Variants in ARHGEF17 observed in about 807,000 individuals in gnomAD.
ARHGEF17 encodes 164 kDa Rho-specific guanine-nucleotide exchange factor.
Under a neutral mutation model 174.0 loss-of-function variants are expected in ARHGEF17, and 80 were observed. The observed-to-expected ratio is 0.46, with a 90% confidence interval of 0.38 to 0.55. The LOEUF (loss-of-function observed/expected upper bound fraction) is 0.55, where lower values mean the gene tolerates loss of function less well. Among genes scored for constraint, ARHGEF17 ranks in the 20% least tolerant of loss-of-function variants. The pLI, the probability that ARHGEF17 is intolerant of heterozygous loss-of-function variation, is 0.00. For missense variants in ARHGEF17, 2,886 were observed against 2,839.7 expected (o/e 1.02, Z -0.37); for synonymous variants, 1,311 against 1,189.1 (o/e 1.10, Z -2.11).
In ARHGEF17 at chr11:73,308,768, T is replaced by C; in HGVS notation, c.130T>C (p.Cys44Arg). The change falls in exon 1 of 21, where the codon TGC (cysteine) becomes CGC (arginine). Residue 44 changes from cysteine to arginine, a missense_variant. Physicochemically the swap from Cys to Arg is radical, Grantham distance 180 (BLOSUM62 -3). This residue lies in a region of ARHGEF17 where 1,728 missense variants were observed against 1,461.2 expected (regional missense o/e 1.18). Coordinates refer to ENST00000263674, the MANE Select transcript of ARHGEF17 (RefSeq NM_014786.4). ...DTPGLRRRASCRPTTAARGQP... is the reference protein window; with the variant it reads ...DTPGLRRRASRRPTTAARGQP... The stretch of plus-strand genomic sequence containing the variant: ...CCCCGGCTTGAGGCGACGCGCCTCG[T>C]GCCGGCCGACCACGGCTGCCCGGGG... The C allele has an allele frequency of 6.9e-7, 1 of 1,450,298 alleles. No homozygotes were observed. The highest frequency in any genetic ancestry group is 9.0e-7 in the Non-Finnish European group (1 of 1,109,456). The allele number at this position is 1,450,298 out of a possible 1,614,324, so 89.8% of individuals were successfully genotyped here.
chr11:73,314,782 T>C (rs1864902039), intron 1 of ARHGEF17, among the ~76,000 whole-genome samples: 1 of 152,070 alleles, frequency 6.6e-6, no homozygotes, highest in Non-Finnish European at 1.5e-5. Context: ...AGGCCCACTG[T>C]AGCCTGGTTG....
At chr11:73,312,856 G>A (rs1246041815) in intron 1 of ARHGEF17, among the ~76,000 whole-genome samples, 2 of 152,052 alleles carry the variant, frequency 1.3e-5, no homozygotes, top group Non-Finnish European at 2.9e-5. Context: ...CTCTCCCTGA[G>A]ACCCCTCCTT....
At chr11:73,344,802 A>G (rs188171292) in intron 1 of ARHGEF17, among the ~76,000 whole-genome samples, 253 of 152,290 alleles carry the variant, frequency 1.7e-3, no homozygotes, top group Middle Eastern at 0.014. Flanking sequence ...AGTGCTGGGG[A>G]CCTGTGGCCC....
In ARHGEF17 at chr11:73,309,386, T is replaced by A; in HGVS notation, c.748T>A (p.Ser250Thr). ...TGTCAGCCGCAGTCGTGCTGCCAGCTCCAGCGAGGAGGAAGAGGAGGGCCC... is the reference window on the plus strand; with the variant it reads ...TGTCAGCCGCAGTCGTGCTGCCAGCACCAGCGAGGAGGAAGAGGAGGGCCC... ...YPVSRSRAASSSEEEEEGPPQ... is the reference protein window; with the variant it reads ...YPVSRSRAASTSEEEEEGPPQ... The change falls in exon 1 of 21, where the codon TCC becomes ACC. Residue 250 changes from serine to threonine, a missense_variant. Around this residue, in one of 4 missense-constraint regions of ARHGEF17, gnomAD observed 1,728 missense variants for 1,461.2 expected, o/e 1.18. Transcript: ENST00000263674. 1 of 1,575,104 alleles carries A rather than the reference T, an allele frequency of 6.3e-7. No homozygotes were observed. Among genetic ancestry groups the A allele is most frequent in the African/African-American group, 1.4e-5 (1 of 73,760 alleles).
At chr11:73,364,288 T>C in intron 17 of ARHGEF17, 49 bp downstream of exon 17, 1 of 1,606,328 alleles carries the variant, frequency 6.2e-7, no homozygotes, top group Non-Finnish European at 8.5e-7. Flanking sequence ...CTTACTGGTG[T>C]TGGGGCTCTC....
chr11:73,356,004 G>GA, intron 5 of ARHGEF17, 51 bp downstream of exon 5: 1 of 1,608,848 alleles, frequency 6.2e-7, no homozygotes, highest in Non-Finnish European at 8.5e-7. Context: ...AGCATGGGGG[G>GA]ATACAAGGAG....
intron 1 of ARHGEF17, chr11:73,343,213 C>G (rs1032632890): frequency 1.5e-5 from 6 of 398,270 alleles, no homozygotes; most frequent in Non-Finnish European, 2.7e-5. Flanking sequence ...ATGGGCCCAG[C>G]CGCCGCCTCC....
intron 2 of ARHGEF17, among the ~76,000 whole-genome samples, chr11:73,348,371 C>T (rs180814711): frequency 6.6e-6 from 1 of 152,330 alleles, no homozygotes; most frequent in Admixed American, 6.5e-5. Flanking sequence ...CAGACATCAA[C>T]ACACAGTGGC....
intron 1 of ARHGEF17, among the ~76,000 whole-genome samples, chr11:73,337,703 A>G (rs994317098): frequency 2.6e-5 from 4 of 152,072 alleles, no homozygotes; most frequent in Admixed American, 1.3e-4. Context: ...TACAGGCGTG[A>G]ACTACCACAC....
intron 1 of ARHGEF17, among the ~76,000 whole-genome samples, chr11:73,329,365 A>ATTT (rs1865162917): frequency 4.5e-4 from 1 of 2,232 alleles, no homozygotes; most frequent in African/African-American, 1.3e-3. Context: ...ATATATATAT[A>ATTT]TATATATATT....
At position 73,364,107 on chromosome 11, in the gene ARHGEF17, C is replaced by G. The variant is rs1865796590; in HGVS notation, c.5334-65C>G. On this transcript the variant is annotated intron_variant, in intron 16 of 20. Transcript: ENST00000263674. ...CATACCCATTCTATCTGTGGTTCCC[C>G]TGGTCCTGGGTGACCCACTTTGGCT... 3 of 1,528,844 alleles carry G rather than the reference C, an allele frequency of 2.0e-6. No individual in the cohort carries two copies. The South Asian group carries it at 3.4e-5, about 17-fold the overall frequency. 94.7% of individuals were successfully genotyped at this position (1,528,844 alleles called of 1,614,324 possible). A position where few individuals can be genotyped will look rare whatever the true frequency, so the allele number is the denominator to read the frequency against.
intron 15 of ARHGEF17, 55 bp downstream of exon 15, chr11:73,363,510 C>A: frequency 6.4e-7 from 1 of 1,568,962 alleles, no homozygotes; most frequent in South Asian, 1.2e-5. Flanking sequence ...GCTCCCTGCT[C>A]TGGAAATCAT....
At chr11:73,313,694 A>G (rs75004180) in intron 1 of ARHGEF17, among the ~76,000 whole-genome samples, 12,306 of 152,244 alleles carry the variant, frequency 0.081, 628 homozygotes, top group Non-Finnish European at 0.11. Context: ...GCCCAGCTTG[A>G]TGTCCCCTTA....
intron 3 of ARHGEF17, chr11:73,353,383 C>T (rs1865588053): frequency 3.9e-6 from 1 of 257,216 alleles, no homozygotes; most frequent in East Asian, 8.0e-5. Context: ...CCTATCTTTA[C>T]TGGAACCAAA....
At chr11:73,362,294 T>TGTCCCAGCACACTCTCAGGCC in intron 13 of ARHGEF17, 55 bp downstream of exon 13, 1 of 1,463,008 alleles carries the variant, frequency 6.8e-7, no homozygotes, top group African/African-American at 1.4e-5. Context: ...AACCAACCCC[T>TGTCCCAGCACACTCTCAGGCC]GTCCCAGCAC....
At chr11:73,343,985 G>C (rs1236716779) in intron 1 of ARHGEF17, among the ~76,000 whole-genome samples, 1 of 152,184 alleles carries the variant, frequency 6.6e-6, no homozygotes, top group African/African-American at 2.4e-5. Context: ...CTCTGTGTGC[G>C]TGTCTGTCTT....
chr11:73,313,404 G>T (rs1864874692), intron 1 of ARHGEF17, among the ~76,000 whole-genome samples: 1 of 152,160 alleles, frequency 6.6e-6, no homozygotes, highest in Non-Finnish European at 1.5e-5. Context: ...AGCCTTGAAG[G>T]CTCAAATGGG....
chr11:73,357,174 G>T (rs746154176), intron 8 of ARHGEF17, 40 bp downstream of exon 8: 9 of 1,612,466 alleles, frequency 5.6e-6, no homozygotes, highest in South Asian at 3.3e-5. Context: ...GCCAACAGGG[G>T]GAGCATTTGT....
At chr11:73,318,362 C>T (rs1411939566) in intron 1 of ARHGEF17, among the ~76,000 whole-genome samples, 3 of 152,160 alleles carry the variant, frequency 2.0e-5, no homozygotes, top group African/African-American at 4.8e-5. Context: ...CTGGGCCGGG[C>T]GTGGTGGCTC....
Sources: gnomAD v4.1 joint callset for allele counts (sites outside exome capture counted in the v4.1 genomes callset) on GRCh38, gnomAD v4.1.1 for gene constraint, gnomAD v4.1.1 regional missense constraint, MANE v1.5 for transcripts, NCBI Gene and HGNC (gene_info 2026-07-23, HGNC 2026-07-21) for gene names.